Variants in ZBTB20 observed in about 807,000 individuals in gnomAD.
ZBTB20 encodes zinc finger and BTB domain containing 20, also known as zinc finger and BTB domain-containing protein 20.
In ZBTB20, 9 loss-of-function variants were observed where a neutral mutation model predicts 56.9. That is an observed-to-expected ratio of 0.16 (90% CI 0.10 to 0.28). The LOEUF (loss-of-function observed/expected upper bound fraction) is 0.28. Ranked by LOEUF, ZBTB20 falls within the 10% of genes least tolerant of loss-of-function variation. The probability of loss-of-function intolerance (pLI) is 1.00; values close to 1 mark genes in which losing one functional copy is unlikely to be tolerated. For synonymous variants in ZBTB20, 417 were observed against 420.7 expected (o/e 0.99, Z 0.11); for missense variants, 655 against 1,003.0 (o/e 0.65, Z 4.69).
intron 5 of ZBTB20, among the ~76,000 whole-genome samples, chr3:114,716,800 T>G (rs556851291): frequency 6.6e-6 from 1 of 152,258 alleles, no homozygotes; most frequent in South Asian, 2.1e-4. Flanking sequence ...TCAACCCTTA[T>G]GCACTTGGTT....
chr3:114,550,104 A>AT (rs201744518), intron 6 of ZBTB20, among the ~76,000 whole-genome samples: 1 of 151,602 alleles, frequency 6.6e-6, no homozygotes, highest in Non-Finnish European at 1.5e-5. Flanking sequence ...TGCCTAGCTA[A>AT]TTTTTTTGTA....
Position 114,334,630 on chromosome 3 carries a change from C to A in ZBTB20, c.*4375G>T, listed in dbSNP as rs1235668569. The A allele has an allele frequency of 6.6e-6, 1 of 152,024 alleles. No individual in the cohort carries two copies. The highest frequency in any genetic ancestry group is 1.5e-5 in the Non-Finnish European group (1 of 68,004). 9.4% of individuals were successfully genotyped at this position (152,024 alleles called of 1,614,324 possible). On this transcript the variant is annotated 3_prime_UTR_variant, in exon 12 of 12. Coordinates refer to ENST00000675478, the MANE Select transcript of ZBTB20 (RefSeq NM_001348800.3). ...AATATTTTGATGATACAAAATAAAA[C>A]CCTTATGACTTTTAAACACAGCAAA...
chr3:114,485,841 C>A (rs2042061212), intron 7 of ZBTB20, among the ~76,000 whole-genome samples: 1 of 152,060 alleles, frequency 6.6e-6, no homozygotes, highest in African/African-American at 2.4e-5. Context: ...TTTGCAGGTG[C>A]CTCAATCTTG....
At chr3:114,838,392 T>C (rs977432254) in intron 4 of ZBTB20, among the ~76,000 whole-genome samples, 1 of 152,150 alleles carries the variant, frequency 6.6e-6, no homozygotes, top group African/African-American at 2.4e-5. Context: ...ACTCATCAAG[T>C]GTACTGAAAA....
intron 6 of ZBTB20, among the ~76,000 whole-genome samples, chr3:114,544,628 C>T (rs986449326): frequency 2.6e-5 from 4 of 151,584 alleles, no homozygotes; most frequent in African/African-American, 7.3e-5. Flanking sequence ...ATCAGCCTGT[C>T]GAGTAACTGG....
At chr3:114,522,833 G>A (rs1203327119) in intron 6 of ZBTB20, among the ~76,000 whole-genome samples, 1 of 152,144 alleles carries the variant, frequency 6.6e-6, no homozygotes. Flanking sequence ...TATTTGCTTG[G>A]TAAAATAAGG....
intron 1 of ZBTB20, among the ~76,000 whole-genome samples, chr3:115,111,719 T>G (rs2083888645): frequency 6.6e-6 from 1 of 152,200 alleles, no homozygotes; most frequent in South Asian, 2.1e-4. Context: ...TTAAGTTACC[T>G]TAATAAGTGT....
chr3:114,826,944 T>C (rs2108940739), intron 4 of ZBTB20, among the ~76,000 whole-genome samples: 1 of 151,786 alleles, frequency 6.6e-6, no homozygotes, highest in South Asian at 2.1e-4. Flanking sequence ...ATGTATGTTG[T>C]AGCCCTGATG....
chr3:114,795,532 T>A (rs1444433700), intron 5 of ZBTB20, among the ~76,000 whole-genome samples: 2 of 152,034 alleles, frequency 1.3e-5, no homozygotes, highest in Non-Finnish European at 2.9e-5. Context: ...TGTCTGGAGC[T>A]TTCTCCCCTC....
chr3:114,572,434 T>C (rs764739686), intron 6 of ZBTB20, among the ~76,000 whole-genome samples: 6 of 152,228 alleles, frequency 3.9e-5, no homozygotes, highest in Non-Finnish European at 8.8e-5. Flanking sequence ...TCAACAATTA[T>C]GCACTTTGCC....
chr3:115,061,553 T>TA (rs1309452535), intron 2 of ZBTB20, among the ~76,000 whole-genome samples: 1 of 152,184 alleles, frequency 6.6e-6, no homozygotes, highest in Admixed American at 6.5e-5. Flanking sequence ...GAAAGAAAAA[T>TA]ATAGGCAAAA....
chr3:114,890,801 G>A (rs1032684971), intron 4 of ZBTB20, among the ~76,000 whole-genome samples: 7 of 152,180 alleles, frequency 4.6e-5, no homozygotes, highest in Non-Finnish European at 8.8e-5. Flanking sequence ...AGAGTTTACA[G>A]TCTGGCGGAG....
rs186392570 is a variant in ZBTB20, at chr3:114,987,788, C to T, written c.-506-13372G>A. Among the ~76,000 whole-genome samples, 7 of 152,246 alleles carry T rather than the reference C, an allele frequency of 4.6e-5. No homozygotes were observed. In the East Asian group the frequency reaches 9.7e-4, roughly 21 times the overall value. On this transcript the variant is annotated intron_variant, in intron 2 of 11. Transcript: ENST00000675478. ...AAGTGCCAAAAGTTGAGTGTAAGTG[C>T]AAACCCTTCAACATCACTCAGGTAT...
chr3:114,615,818 C>G (rs946755119), intron 6 of ZBTB20, among the ~76,000 whole-genome samples: 1 of 152,184 alleles, frequency 6.6e-6, no homozygotes, highest in Admixed American at 6.5e-5. Flanking sequence ...GCGATTAGGA[C>G]TAGGCAGTAA....
At chr3:114,867,142 G>A (rs117198687) in intron 4 of ZBTB20, among the ~76,000 whole-genome samples, 1 of 152,220 alleles carries the variant, frequency 6.6e-6, no homozygotes, top group East Asian at 1.9e-4. Flanking sequence ...AATGTTCTGT[G>A]GGCACTCGGC....
intron 5 of ZBTB20, among the ~76,000 whole-genome samples, chr3:114,764,260 T>A (rs2068634911): frequency 6.6e-6 from 1 of 151,536 alleles, no homozygotes; most frequent in Non-Finnish European, 1.5e-5. Flanking sequence ...TCTTTTTTTT[T>A]TTTTTTGTCC....
chr3:114,671,163 G>A (rs1183035516), intron 6 of ZBTB20, among the ~76,000 whole-genome samples: 4 of 152,132 alleles, frequency 2.6e-5, no homozygotes, highest in Admixed American at 1.3e-4. Flanking sequence ...TAAAGACTAC[G>A]CATTTAAAGT....
chr3:115,003,650 T>G (rs1314236271), intron 2 of ZBTB20, among the ~76,000 whole-genome samples: 2 of 151,512 alleles, frequency 1.3e-5, no homozygotes, highest in African/African-American at 4.8e-5. Flanking sequence ...GGAAACATAG[T>G]GAGCACGCCC....
intron 6 of ZBTB20, among the ~76,000 whole-genome samples, chr3:114,588,871 G>C (rs1007274032): frequency 6.6e-6 from 1 of 152,212 alleles, no homozygotes; most frequent in Non-Finnish European, 1.5e-5. Context: ...ATAAAGAAAA[G>C]AAGTTTATAT....
Sources: gnomAD v4.1 joint callset for allele counts (sites outside exome capture counted in the v4.1 genomes callset) on GRCh38, gnomAD v4.1.1 for gene constraint, MANE v1.5 for transcripts, NCBI Gene and HGNC (gene_info 2026-07-23, HGNC 2026-07-21) for gene names.